ELAC2: variants seen among roughly 807,000 people sequenced by gnomAD.
ELAC2 encodes zinc phosphodiesterase ELAC protein 2.
Under a neutral mutation model 105.2 loss-of-function variants are expected in ELAC2, and 92 were observed. That is an observed-to-expected ratio of 0.87 (90% CI 0.74 to 1.04). ELAC2 has a LOEUF of 1.04. ELAC2 is among the 50% of genes least tolerant of loss of function. ELAC2 has a pLI of 0.00. For synonymous variants in ELAC2, 468 were observed against 409.1 expected (o/e 1.14, Z -1.74); for missense variants, 1,099 against 1,071.7 (o/e 1.03, Z -0.36).
intron 14 of ELAC2, among the ~76,000 whole-genome samples, chr17:13,001,082 G>A (rs904570072): frequency 3.3e-5 from 5 of 152,176 alleles, no homozygotes; most frequent in African/African-American, 1.2e-4. Context: ...GTCTCTTAAA[G>A]GGCCCCAACT....
At position 12,996,550 on chromosome 17, in the gene ELAC2, G is replaced by C; in HGVS notation, c.1656C>G (p.His552Gln). Residue 552 changes from histidine (H) to glutamine (Q), a missense_variant, in exon 17 of 24, where the codon CAC becomes CAG. Coordinates refer to ENST00000338034, the MANE Select transcript of ELAC2 (RefSeq NM_018127.7). ...VFVSHLHADHHTGLPSILLQR... is the reference protein window; with the variant it reads ...VFVSHLHADHQTGLPSILLQR... ...TGTGGTCCAGCCCAACACTCACCGT[G>C]TGGTGATCTGCGTGCAGGTGGGACA... The C allele has an allele frequency of 6.2e-7, 1 of 1,613,928 alleles. No homozygotes were observed. Among genetic ancestry groups the C allele is most frequent in the Non-Finnish European group, 8.5e-7 (1 of 1,180,038 alleles).
Position 13,017,973 on chromosome 17 carries a change from A to C in ELAC2, c.-26T>G. On this transcript the variant is annotated 5_prime_UTR_variant, in exon 1 of 24. Coordinates refer to ENST00000338034, the MANE Select transcript of ELAC2 (RefSeq NM_018127.7). ...GCGCCCGTCTCCACCAAAACTGAGA[A>C]AGCCGCCGGTCACCTACGCCCGCGT... 1 of 1,534,682 alleles carries C rather than the reference A, an allele frequency of 6.5e-7. No individual in the cohort carries two copies. Among genetic ancestry groups the C allele is most frequent in the Non-Finnish European group, 8.7e-7 (1 of 1,146,572 alleles).
rs768144008 is a variant in ELAC2, at chr17:13,000,215, T to C, written c.1364A>G (p.Asn455Ser). The C allele has an allele frequency of 5.0e-6, 8 of 1,613,946 alleles. No homozygotes were observed. The highest frequency in any genetic ancestry group is 1.7e-4 in the Middle Eastern group (1 of 6,036). The change falls in exon 15 of 24, where the codon AAC becomes AGC. Residue 455 changes from asparagine (N) to serine (S), a missense_variant. Asn to Ser is a conservative substitution (Grantham distance 46). Transcript: ENST00000338034. ...EFIVEALQLP[N>S]FQQSVQEYRR... ...GTACTCCTGCACGCTCTGCTGGAAG[T>C]TGGGAAGCTGCAGCGCCTCAACTAT...
chr17:13,009,326 T>C (rs903954243), intron 8 of ELAC2, among the ~76,000 whole-genome samples: 2 of 152,182 alleles, frequency 1.3e-5, no homozygotes, highest in African/African-American at 2.4e-5. Flanking sequence ...CATTAAAAAA[T>C]AATCTAAGCC....
intron 11 of ELAC2, among the ~76,000 whole-genome samples, chr17:13,004,443 CAGAT>C (rs1381614406): frequency 4.6e-5 from 7 of 152,194 alleles, no homozygotes; most frequent in Non-Finnish European, 7.3e-5. Flanking sequence ...GATTCAAACT[CAGAT>C]AGGTGGGTCA....
intron 14 of ELAC2, chr17:13,000,522 T>G (rs1326948140): frequency 3.8e-6 from 2 of 519,892 alleles, no homozygotes; most frequent in Admixed American, 2.8e-5. Flanking sequence ...TTTTTTTCTG[T>G]GGCCAGTGCT....
intron 1 of ELAC2, chr17:13,017,411 G>C (rs140257565): frequency 1.6e-6 from 1 of 637,274 alleles, no homozygotes; most frequent in Admixed American, 2.9e-5. Flanking sequence ...CGACACACTG[G>C]CCTTGGGGTG....
chr17:13,015,438 C>T (rs1696006840), intron 4 of ELAC2, among the ~76,000 whole-genome samples: 1 of 152,170 alleles, frequency 6.6e-6, no homozygotes, highest in African/African-American at 2.4e-5. Context: ...AAAAGCTGCC[C>T]TTTCTTGTGT....
chr17:12,998,279 G>A, intron 16 of ELAC2, 133 bp downstream of exon 16: 3 of 893,416 alleles, frequency 3.4e-6, no homozygotes, highest in Non-Finnish European at 5.5e-6. Flanking sequence ...TCCTCTCCTG[G>A]ACACTCCAGT....
chr17:12,999,457 C>T (rs2040646574), intron 15 of ELAC2, among the ~76,000 whole-genome samples: 1 of 152,212 alleles, frequency 6.6e-6, no homozygotes, highest in South Asian at 2.1e-4. Context: ...TGTGCCCGGC[C>T]CTCAGCCTCA....
At position 12,997,414 on chromosome 17, in the gene ELAC2, G is replaced by T. The variant is rs11651354; in HGVS notation, c.1521-729C>A. On this transcript the variant is annotated intron_variant, in intron 16 of 23. Transcript: ENST00000338034. ...GGCTGCACCCATTTTGCAGAGAGAAGCCCCGGTGCTAAGACATTACCTTCT... is the reference window on the plus strand; with the variant it reads ...GGCTGCACCCATTTTGCAGAGAGAATCCCCGGTGCTAAGACATTACCTTCT... Among the ~76,000 whole-genome samples, 562 of 152,338 alleles carry T rather than the reference G, an allele frequency of 3.7e-3. 3 individuals carry two copies. The highest frequency in any genetic ancestry group is 6.5e-3 in the Non-Finnish European group (441 of 68,028).
In ELAC2 at chr17:12,992,471, T is replaced by C; in HGVS notation, c.*347A>G. 3 of 440,992 alleles carry C rather than the reference T, an allele frequency of 6.8e-6. No individual in the cohort carries two copies. Among genetic ancestry groups the C allele is most frequent in the Non-Finnish European group, 1.3e-5 (3 of 238,556 alleles). 27.3% of individuals were successfully genotyped at this position (440,992 alleles called of 1,614,324 possible). A position where few individuals can be genotyped will look rare whatever the true frequency, so the allele number is the denominator to read the frequency against. The stretch of plus-strand genomic sequence containing the variant: ...CTTAGACCCACTGATCCTGTTACTC[T>C]GCTTGTCTCTGGTGTGCAGGGAATC... On this transcript the variant is annotated 3_prime_UTR_variant, in exon 24 of 24. Transcript: ENST00000338034.
At position 12,994,838 on chromosome 17, in the gene ELAC2, G is replaced by A. The variant is rs761881914; in HGVS notation, c.1955C>T (p.Ala652Val). 6.1e-5 allele frequency: 99 copies of A among 1,613,894 alleles called. No individual in the cohort carries two copies. Among genetic ancestry groups the A allele is most frequent in the South Asian group, 7.7e-5 (7 of 91,088 alleles). Residue 652 changes from alanine to valine, a missense_variant, in exon 21 of 24, where the codon GCG becomes GTG. By Grantham distance (64) the Ala-to-Val change is moderately conservative. Transcript: ENST00000338034. ...TTTCCAGCCAGAGGTGTGCACCAGC[G>A]CACAGCCAAACGCATGCTTGCAGTG... ...VRHCKHAFGCALVHTSGWKVV... is the reference protein window; with the variant it reads ...VRHCKHAFGCVLVHTSGWKVV...
chr17:13,004,531 CAGTT>C (rs2041002607), intron 11 of ELAC2, among the ~76,000 whole-genome samples: 1 of 152,206 alleles, frequency 6.6e-6, no homozygotes, highest in Non-Finnish European at 1.5e-5. Flanking sequence ...AACAGAGTGG[CAGTT>C]AGCCCAAAAG....
At chr17:12,996,299 G>A in intron 17 of ELAC2, 1 of 652,056 alleles carries the variant, frequency 1.5e-6, no homozygotes, top group South Asian at 1.8e-5. Flanking sequence ...TGAGATTCAA[G>A]ACTCAAGGAA....
At chr17:13,001,791 A>T (rs1405762425) in intron 14 of ELAC2, among the ~76,000 whole-genome samples, 1 of 152,208 alleles carries the variant, frequency 6.6e-6, no homozygotes, top group Non-Finnish European at 1.5e-5. Context: ...CCCTATTTGG[A>T]ATACCAATAA....
intron 1 of ELAC2, 65 bp downstream of exon 1, chr17:13,017,638 C>A: frequency 6.2e-7 from 1 of 1,610,292 alleles, no homozygotes; most frequent in Non-Finnish European, 8.5e-7. Flanking sequence ...TGGGAGGTGC[C>A]CCGATGCTCA....
chr17:13,011,538 C>A, intron 7 of ELAC2, 125 bp downstream of exon 7: 1 of 1,510,330 alleles, frequency 6.6e-7, no homozygotes, highest in South Asian at 1.1e-5. Context: ...TTATAGTAAG[C>A]CCAGGAAGAA....
chr17:12,997,571 C>T (rs2040540531), intron 16 of ELAC2, among the ~76,000 whole-genome samples: 1 of 152,070 alleles, frequency 6.6e-6, no homozygotes. Flanking sequence ...GGATCTCAGC[C>T]CCCGGGAGAG....
Sources: gnomAD v4.1 joint callset for allele counts (sites outside exome capture counted in the v4.1 genomes callset) on GRCh38, gnomAD v4.1.1 for gene constraint, MANE v1.5 for transcripts, NCBI Gene and HGNC (gene_info 2026-07-23, HGNC 2026-07-21) for gene names.